The following C2orf76 variants were observed in gnomAD, a reference collection of about 807,000 sequenced individuals.
C2orf76 encodes UPF0538 protein C2orf76.
C2orf76 carries 23 observed loss-of-function variants against 16.9 expected under a neutral mutation model. The observed-to-expected ratio is 1.36, with a 90% CI of 0.98 to 1.93. The LOEUF (loss-of-function observed/expected upper bound fraction) is 1.93, where lower values mean the gene tolerates loss of function less well. C2orf76 is among the 30% of genes most tolerant of loss of function. The pLI is 0.00. For missense variants in C2orf76, 152 were observed against 152.6 expected, an observed-to-expected ratio of 1.00 and a Z score of 0.02; for synonymous variants, 48 against 52.3, an observed-to-expected ratio of 0.92 and a Z score of 0.35.
chr2:119,314,032 T>C (rs1679085723), intron 4 of C2orf76, among the ~76,000 whole-genome samples: 1 of 149,698 alleles, frequency 6.7e-6, no homozygotes, highest in Non-Finnish European at 1.5e-5. Context: ...TTTTTTTTTT[T>C]TTTTTACATA....
At chr2:119,323,167 G>A (rs12992814) in intron 2 of C2orf76, among the ~76,000 whole-genome samples, 23,324 of 149,952 alleles carry the variant, frequency 0.16, 2,417 homozygotes, top group Middle Eastern at 0.26. Context: ...CAGGCGCTCA[G>A]CACCATGCCC....
chr2:119,314,482 A>C (rs1679101613), intron 4 of C2orf76, among the ~76,000 whole-genome samples: 3 of 152,126 alleles, frequency 2.0e-5, no homozygotes, highest in Non-Finnish European at 4.4e-5. Context: ...TTCTTTACAA[A>C]CTTGAAATGC....
At chr2:119,311,427 A>G in intron 5 of C2orf76, 195 bp downstream of exon 5, 2 of 985,462 alleles carry the variant, frequency 2.0e-6, no homozygotes, top group Middle Eastern at 5.2e-4. Flanking sequence ...TTTGGAGAGC[A>G]GACACCTACT....
intron 4 of C2orf76, among the ~76,000 whole-genome samples, chr2:119,315,423 G>T (rs1679138092): frequency 6.6e-6 from 1 of 152,158 alleles, no homozygotes; most frequent in African/African-American, 2.4e-5. Context: ...TAAAATTACA[G>T]CTGAGTTGGA....
downstream of C2orf76, among the ~76,000 whole-genome samples, chr2:119,298,223 C>A (rs935394825): frequency 2.6e-5 from 4 of 152,278 alleles, no homozygotes; most frequent in Non-Finnish European, 1.5e-5. Flanking sequence ...TCCATTTTTT[C>A]TTCTAATAAA....
chr2:119,354,642 T>C (rs1397455658), intron 1 of C2orf76, among the ~76,000 whole-genome samples: 1 of 152,220 alleles, frequency 6.6e-6, no homozygotes, highest in Non-Finnish European at 1.5e-5. Context: ...ATAATACAAA[T>C]GAAAGCACCA....
At chr2:119,316,725 T>G (rs1387634481) in intron 4 of C2orf76, among the ~76,000 whole-genome samples, 1 of 152,294 alleles carries the variant, frequency 6.6e-6, no homozygotes, top group Admixed American at 6.5e-5. Context: ...TATTGGGATA[T>G]GACAAATAAT....
chr2:119,344,202 T>C (rs1017097963), intron 1 of C2orf76, among the ~76,000 whole-genome samples: 4 of 152,242 alleles, frequency 2.6e-5, no homozygotes, highest in Non-Finnish European at 5.9e-5. Flanking sequence ...CAATAGCTAC[T>C]ATCAGAAGGA....
intron 2 of C2orf76, among the ~76,000 whole-genome samples, chr2:119,328,478 A>G (rs1437242918): frequency 6.6e-6 from 1 of 152,160 alleles, no homozygotes; most frequent in Non-Finnish European, 1.5e-5. Flanking sequence ...GTCACTCCTG[A>G]TACTGGTAAC....
chr2:119,292,730 T>G, the C2orf76 span, among the ~76,000 whole-genome samples: 1 of 152,136 alleles, frequency 6.6e-6, no homozygotes, highest in African/African-American at 2.4e-5. Flanking sequence ...AAAGTTTCGC[T>G]TTAACATTCA....
chr2:119,359,883 C>T (rs532829018), intron 1 of C2orf76, among the ~76,000 whole-genome samples: 2 of 152,178 alleles, frequency 1.3e-5, no homozygotes, highest in Non-Finnish European at 2.9e-5. Context: ...TGTAAAGCAG[C>T]AGCATGGTTT....
downstream of C2orf76, among the ~76,000 whole-genome samples, chr2:119,297,804 G>A (rs537937364): frequency 4.0e-4 from 61 of 152,204 alleles, no homozygotes; most frequent in African/African-American, 9.6e-4. Context: ...GACCAGAATT[G>A]GTTGTTTTAA....
intron 1 of C2orf76, among the ~76,000 whole-genome samples, chr2:119,353,556 C>CT (rs755724739): frequency 0.23 from 28,283 of 124,496 alleles, 3,615 homozygotes; most frequent in African/African-American, 0.27. Context: ...CAAGAATTTT[C>CT]TTTTTTTTTT....
intron 1 of C2orf76, among the ~76,000 whole-genome samples, chr2:119,360,809 C>A (rs1161780578): frequency 6.6e-6 from 1 of 152,108 alleles, no homozygotes; most frequent in Non-Finnish European, 1.5e-5. Context: ...TAAAAAAGAA[C>A]AAAACTATCA....
the C2orf76 span, among the ~76,000 whole-genome samples, chr2:119,290,602 G>A: frequency 6.6e-6 from 1 of 152,042 alleles, no homozygotes; most frequent in Non-Finnish European, 1.5e-5. Flanking sequence ...GGCGAAGGCG[G>A]GTGGATCACC....
intron 2 of C2orf76, among the ~76,000 whole-genome samples, chr2:119,329,281 C>T (rs774162352): frequency 3.3e-5 from 5 of 151,978 alleles, no homozygotes; most frequent in Non-Finnish European, 5.9e-5. Flanking sequence ...TAGTTTTATC[C>T]CTAGTAATAT....
chr2:119,363,551 C>A (rs1449236596), intron 1 of C2orf76, among the ~76,000 whole-genome samples: 3 of 152,024 alleles, frequency 2.0e-5, no homozygotes, highest in South Asian at 2.1e-4. Flanking sequence ...TTGTGGATAC[C>A]CTAACCCTCG....
rs995605167 is a variant in C2orf76, at chr2:119,366,781, T to C, written c.-13+9A>G. On this transcript the variant is annotated intron_variant, in intron 1 of 5. Transcript: ENST00000334816. ...GCAAAACTAAGCACCCTACTTCCGT[T>C]GTCCCCACCTGTTCCCGGCGTCCCC... The C allele has an allele frequency of 2.1e-4, 119 of 568,556 alleles. No homozygotes were observed. The East Asian group carries it at 2.7e-3, about 13-fold the overall frequency. The allele number at this position is 568,556 out of a possible 1,614,324, so 35.2% of individuals were successfully genotyped here.
the C2orf76 span, among the ~76,000 whole-genome samples, chr2:119,285,152 A>T: frequency 6.6e-6 from 1 of 152,344 alleles, no homozygotes; most frequent in Non-Finnish European, 1.5e-5. Context: ...ACAATCTGAT[A>T]ATTTATTCAA....
Sources: gnomAD v4.1 joint callset for allele counts (sites outside exome capture counted in the v4.1 genomes callset) on GRCh38, gnomAD v4.1.1 for gene constraint, MANE v1.5 for transcripts, NCBI Gene and HGNC (gene_info 2026-07-23, HGNC 2026-07-21) for gene names.